Variants in PCDHA2 observed in about 807,000 individuals in gnomAD.
PCDHA2 encodes the protein protocadherin alpha-2.
A neutral mutation model predicts 66.0 loss-of-function variants in PCDHA2; 58 were observed. That is an observed-to-expected ratio of 0.88 (90% confidence interval 0.71 to 1.09). PCDHA2 has a LOEUF of 1.09. Ranked by LOEUF, PCDHA2 falls within the 50% of genes least tolerant of loss-of-function variation. PCDHA2 has a pLI of 0.00. For synonymous variants in PCDHA2, 634 were observed against 554.0 expected (o/e 1.14, Z -2.03); for missense variants, 1,267 against 1,242.3 (o/e 1.02, Z -0.30).
At chr5:140,884,569 G>A (rs144735555) in intron 1 of PCDHA2, 2 of 1,614,008 alleles carry the variant, frequency 1.2e-6, no homozygotes, top group East Asian at 2.2e-5. Context: ...CGCATAAGAC[G>A]GACCTCATGG....
chr5:140,833,430 A>G (rs2150208513), intron 1 of PCDHA2, among the ~76,000 whole-genome samples: 6 of 152,230 alleles, frequency 3.9e-5, no homozygotes, highest in Non-Finnish European at 7.3e-5. Flanking sequence ...GAGATGGCTG[A>G]GCACTGAAAT....
At chr5:140,849,341 C>T (rs2150435526) in intron 1 of PCDHA2, 27 of 1,407,914 alleles carry the variant, frequency 1.9e-5, no homozygotes, top group Middle Eastern at 2.4e-4. Flanking sequence ...ACTCCTTCTC[C>T]AGTGATGTTT....
At chr5:140,967,710 G>A (rs868978149) in intron 1 of PCDHA2, 1 of 1,614,182 alleles carries the variant, frequency 6.2e-7, no homozygotes, top group Non-Finnish European at 8.5e-7. Flanking sequence ...GCCAGTACCG[G>A]GGAAGTGCGA....
At chr5:140,815,439 C>T (rs1765726626) in intron 1 of PCDHA2, 1 of 152,064 alleles carries the variant, frequency 6.6e-6, no homozygotes, top group Non-Finnish European at 1.5e-5. Context: ...AGCATCTTTA[C>T]TACAATCACA....
intron 1 of PCDHA2, among the ~76,000 whole-genome samples, chr5:140,887,179 C>A (rs984497356): frequency 6.6e-6 from 1 of 151,850 alleles, no homozygotes; most frequent in Non-Finnish European, 1.5e-5. Context: ...TCACTGCAAG[C>A]TCCACCTCCC....
At chr5:140,875,987 TAA>T (rs781909320) in intron 1 of PCDHA2, 4 of 1,613,914 alleles carry the variant, frequency 2.5e-6, no homozygotes, top group Admixed American at 1.7e-5. Context: ...ACCTATGCGT[TAA>T]GTCTAAATGA....
At chr5:140,927,248 A>G in intron 1 of PCDHA2, 1 of 1,614,064 alleles carries the variant, frequency 6.2e-7, no homozygotes. Flanking sequence ...GACACCAATG[A>G]CAACTCACCT....
chr5:140,863,224 G>A, intron 1 of PCDHA2: 2 of 1,143,744 alleles, frequency 1.7e-6, no homozygotes, highest in Non-Finnish European at 2.5e-6. Context: ...AGCGAGGAAG[G>A]TCCCATCGCG....
chr5:140,801,912 G>T (rs782723863), intron 1 of PCDHA2: 36 of 1,614,166 alleles, frequency 2.2e-5, no homozygotes, highest in Non-Finnish European at 2.9e-5. Flanking sequence ...AAACGACAAC[G>T]CCCCAGCGTT....
chr5:140,930,197 C>G (rs1417032734), intron 1 of PCDHA2: 1 of 152,080 alleles, frequency 6.6e-6, no homozygotes, highest in African/African-American at 2.4e-5. Flanking sequence ...ATTTTTATGT[C>G]AGAAATATTT....
intron 1 of PCDHA2, chr5:140,805,484 C>T (rs892212400): frequency 1.1e-5 from 11 of 993,514 alleles, no homozygotes; most frequent in Admixed American, 1.2e-4. Flanking sequence ...AGAGAGGGAG[C>T]GTAAAGCTAT....
intron 3 of PCDHA2, among the ~76,000 whole-genome samples, chr5:141,000,895 T>C (rs896500322): frequency 5.3e-5 from 8 of 152,072 alleles, no homozygotes; most frequent in Non-Finnish European, 1.2e-4. Context: ...GCAACAGATA[T>C]AGACGCTGTC....
intron 1 of PCDHA2, among the ~76,000 whole-genome samples, chr5:140,917,324 C>CGGGGGGCG (rs1299895515): frequency 1.3e-5 from 1 of 76,124 alleles, no homozygotes; most frequent in Non-Finnish European, 2.9e-5. Context: ...GTTCATGTGG[C>CGGGGGGCG]GGGGGAGGGG....
chr5:140,973,468 C>T (rs2096588845), intron 1 of PCDHA2, among the ~76,000 whole-genome samples: 1 of 152,202 alleles, frequency 6.6e-6, no homozygotes, highest in East Asian at 1.9e-4. Context: ...TTTTAGTTTG[C>T]AAATTTCATA....
intron 1 of PCDHA2, among the ~76,000 whole-genome samples, chr5:140,977,672 A>G (rs1404527905): frequency 6.6e-6 from 1 of 152,202 alleles, no homozygotes; most frequent in East Asian, 1.9e-4. Flanking sequence ...TGCATGCCAA[A>G]TATCATGTAG....
chr5:140,808,535 G>T (rs1554124622), intron 1 of PCDHA2: 1 of 1,614,180 alleles, frequency 6.2e-7, no homozygotes, highest in South Asian at 1.1e-5. Flanking sequence ...TGATGTGAAC[G>T]ACAACGCTCC....
rs1052880282 is a variant in PCDHA2 at position 140,969,588 on chromosome 5, T to C, written c.2389-9361T>C. On this transcript the variant is annotated intron_variant, in intron 1 of 3. Coordinates refer to ENST00000526136, the MANE Select transcript of PCDHA2 (RefSeq NM_018905.3). ...TTGTTTGAGAAGTGAGGATTAGTCT[T>C]AATATTTAATGCTAAAACACAGATT... 31 of 849,754 alleles carry C rather than the reference T, an allele frequency of 3.6e-5. No individual in the cohort carries two copies. The African/African-American group carries it at 5.3e-4, about 15-fold the overall frequency. The allele number at this position is 849,754 out of a possible 1,614,324, so 52.6% of individuals were successfully genotyped here. A position where few individuals can be genotyped will look rare whatever the true frequency, so the allele number is the denominator to read the frequency against.
chr5:140,878,408 T>G (rs1554170402), intron 1 of PCDHA2, among the ~76,000 whole-genome samples: 2 of 152,244 alleles, frequency 1.3e-5, no homozygotes, highest in Non-Finnish European at 2.9e-5. Context: ...AAATATCTTC[T>G]TTATTTCAAG....
chr5:140,895,309 C>A (rs1327911944), intron 1 of PCDHA2, among the ~76,000 whole-genome samples: 1 of 152,124 alleles, frequency 6.6e-6, no homozygotes, highest in African/African-American at 2.4e-5. Context: ...CCCCCTTCCA[C>A]CCATGACTAT....
Sources: gnomAD v4.1 joint callset for allele counts (sites outside exome capture counted in the v4.1 genomes callset) on GRCh38, gnomAD v4.1.1 for gene constraint, MANE v1.5 for transcripts, NCBI Gene and HGNC (gene_info 2026-07-23, HGNC 2026-07-21) for gene names.